Variants in ATR observed in about 807,000 individuals in gnomAD.
The protein encoded by ATR is serine/threonine-protein kinase ATR.
Under a neutral mutation model 305.3 loss-of-function variants are expected in ATR, and 142 were observed. The ratio of observed to expected loss-of-function variants is 0.47; its 90% CI spans 0.41 to 0.53. The LOEUF is 0.53. ATR is among the 20% of genes least tolerant of loss of function. The probability of loss-of-function intolerance (pLI) is 0.00; values close to 1 mark genes in which losing one functional copy is unlikely to be tolerated. For missense variants in ATR, 2,135 were observed against 3,133.1 expected, an observed-to-expected ratio of 0.68 and a Z score of 7.60; for synonymous variants, 1,050 against 1,068.1, an observed-to-expected ratio of 0.98 and a Z score of 0.33.
At chr3:142,527,112 T>A (rs561307424) in intron 21 of ATR, among the ~76,000 whole-genome samples, 7 of 152,328 alleles carry the variant, frequency 4.6e-5, no homozygotes, top group Non-Finnish European at 1.0e-4. Flanking sequence ...TAATGTGAAA[T>A]TGATTTGTTT....
intron 46 of ATR, chr3:142,452,088 T>C (rs1005769089): frequency 2.6e-5 from 27 of 1,021,302 alleles, no homozygotes; most frequent in South Asian, 3.9e-5. Flanking sequence ...ATTTTTCTTT[T>C]AGTTCTTTTA....
chr3:142,512,319 G>A lies in ATR; in HGVS notation c.4793C>T (p.Ala1598Val), dbSNP rs1191143220. Residue 1598 changes from alanine to valine, a missense_variant, in exon 27 of 47, where the codon GCA becomes GTA. Transcript: ENST00000350721. ...LTQWARHKFQ[A>V]LKAEKCPHSK... ...GTGTGGACATTTCTCAGCTTTCAGTGCCTGAAATTTGTGCCTTGCCCACTG... is the reference window on the plus strand; with the variant it reads ...GTGTGGACATTTCTCAGCTTTCAGTACCTGAAATTTGTGCCTTGCCCACTG... 2.5e-6 allele frequency: 4 copies of A among 1,613,274 alleles called. No homozygotes were observed. Among genetic ancestry groups the A allele is most frequent in the Non-Finnish European group, 3.4e-6 (4 of 1,179,880 alleles).
intron 21 of ATR, among the ~76,000 whole-genome samples, chr3:142,534,646 G>A (rs2033787636): frequency 6.6e-6 from 1 of 151,994 alleles, no homozygotes; most frequent in African/African-American, 2.4e-5. Context: ...AAAGAATAAA[G>A]TTCACTCACC....
chr3:142,526,643 G>A (rs1178210358), intron 21 of ATR, among the ~76,000 whole-genome samples: 1 of 151,960 alleles, frequency 6.6e-6, no homozygotes, highest in Non-Finnish European at 1.5e-5. Flanking sequence ...ATGTGTCAAA[G>A]TCTATTCGGC....
chr3:142,499,035 C>A, intron 31 of ATR: 1 of 504,460 alleles, frequency 2.0e-6, no homozygotes. Flanking sequence ...AGCCACCATG[C>A]CCAGCTAAGT....
chr3:142,520,257 C>T (rs1039613040), intron 23 of ATR, among the ~76,000 whole-genome samples: 6 of 152,018 alleles, frequency 3.9e-5, no homozygotes, highest in African/African-American at 1.4e-4. Context: ...CTTCATATTT[C>T]CAAAGACATA....
intron 46 of ATR, chr3:142,452,676 AAAC>A (rs2070817049): frequency 3.3e-5 from 34 of 1,031,316 alleles, no homozygotes; most frequent in South Asian, 9.3e-5. Context: ...TCTGTCTCAA[AAAC>A]AACAACCACC....
chr3:142,457,665 A>G lies in ATR; in HGVS notation c.7594T>C (p.Phe2532Leu). 6.2e-7 allele frequency: 1 copy of G among 1,614,078 alleles called. No homozygotes were observed. Among genetic ancestry groups the G allele is most frequent in the Non-Finnish European group, 8.5e-7 (1 of 1,179,972 alleles). Residue 2532 changes from phenylalanine (F) to leucine (L), a missense_variant, in exon 45 of 47, where the codon TTT (phenylalanine) becomes CTT (leucine). Coordinates refer to ENST00000350721, the MANE Select transcript of ATR (RefSeq NM_001184.4). ...ATTGTAACTTCACATGCTCTTCGAA[A>G]AAGACCCTCTGTTCCCATAGGACCC... ...GMGPMGTEGL[F>L]RRACEVTMRL...
chr3:142,519,467 A>T (rs2033049249), intron 24 of ATR, among the ~76,000 whole-genome samples: 1 of 152,006 alleles, frequency 6.6e-6, no homozygotes, highest in African/African-American at 2.4e-5. Context: ...ACGCCCGGCT[A>T]ATTTTTGTAT....
intron 36 of ATR, among the ~76,000 whole-genome samples, chr3:142,480,232 T>C (rs2030322723): frequency 6.6e-6 from 1 of 152,222 alleles, no homozygotes; most frequent in Non-Finnish European, 1.5e-5. Context: ...CTACCTTTGG[T>C]CTTTGATGAT....
intron 36 of ATR, 39 bp from the exon 37 acceptor site, chr3:142,470,222 G>C (rs1405590447): frequency 2.1e-6 from 3 of 1,454,824 alleles, no homozygotes; most frequent in African/African-American, 1.4e-5. Context: ...TAGCATAGCT[G>C]TCATTTTTAT....
At chr3:142,524,367 T>C (rs541982919) in intron 21 of ATR, among the ~76,000 whole-genome samples, 168 bp from the exon 22 acceptor site, 110 of 152,328 alleles carry the variant, frequency 7.2e-4, no homozygotes, top group African/African-American at 2.2e-3. Context: ...TCACATAATA[T>C]AGTTCAACAA....
chr3:142,483,988 G>C (rs979298329), intron 36 of ATR, among the ~76,000 whole-genome samples: 1 of 152,036 alleles, frequency 6.6e-6, no homozygotes, highest in African/African-American at 2.4e-5. Flanking sequence ...TGGTGCTGTT[G>C]AATTTTTTTA....
intron 16 of ATR, 79 bp from the exon 17 acceptor site, chr3:142,542,836 T>C: frequency 3.4e-6 from 4 of 1,176,660 alleles, no homozygotes; most frequent in Middle Eastern, 5.1e-4. Context: ...ATTTAATTAA[T>C]GTCATTTATA....
At chr3:142,521,300 T>C (rs2033138470) in intron 23 of ATR, among the ~76,000 whole-genome samples, 1 of 152,166 alleles carries the variant, frequency 6.6e-6, no homozygotes, top group Non-Finnish European at 1.5e-5. Flanking sequence ...ATATTACTGC[T>C]CATTGACAAT....
rs2108470338 is a variant in ATR at position 142,555,900 on chromosome 3, T to A, written c.2318A>T (p.Lys773Ile). The change falls in exon 10 of 47, where the codon AAA becomes ATA. Residue 773 changes from lysine (K) to isoleucine (I), a missense_variant. This residue lies in a region of ATR where 530 missense variants were observed against 766.8 expected (regional missense o/e 0.69). Coordinates refer to ENST00000350721, the MANE Select transcript of ATR (RefSeq NM_001184.4). ...ACCAAGTTTTACTGGACTAGGTATT[T>A]TTTTTTTCAGTAGGAAAAGGAATGG... ...CKPFLFLLKK[K>I]IPSPVKLAFI... is the part of the protein sequence containing the mutation. 6.2e-7 allele frequency: 1 copy of A among 1,610,642 alleles called. No individual in the cohort carries two copies. Among genetic ancestry groups the A allele is most frequent in the Admixed American group, 1.7e-5 (1 of 59,250 alleles).
chr3:142,519,745 T>C lies in ATR; in HGVS notation c.4306A>G (p.Asn1436Asp), dbSNP rs587783328. The change falls in exon 24 of 47, where the codon AAC (asparagine) becomes GAC (aspartate). Residue 1436 changes from asparagine (N) to aspartate (D), a missense_variant. Physicochemically the swap from Asn to Asp is conservative, Grantham distance 23. Around this residue, in one of 9 missense-constraint regions of ATR, gnomAD observed 202 missense variants for 252.9 expected, o/e 0.80. Coordinates refer to ENST00000350721, the MANE Select transcript of ATR (RefSeq NM_001184.4). ...CTCCACAATTGGTGACCTGGGCCGT[T>C]GGTCTCCATCTCTCTACAGTCATAA... The part of the protein sequence containing the change: ...SIYDCREMET[N>D]GPGHQLWRRF... 1 of 1,614,144 alleles carries C rather than the reference T, an allele frequency of 6.2e-7. No homozygotes were observed.
intron 26 of ATR, among the ~76,000 whole-genome samples, chr3:142,513,059 C>T (rs1445975672): frequency 6.6e-6 from 1 of 151,694 alleles, no homozygotes; most frequent in Non-Finnish European, 1.5e-5. Context: ...ATATTTCACA[C>T]TATATGCAAA....
intron 25 of ATR, 114 bp from the exon 26 acceptor site, chr3:142,513,752 G>A: frequency 1.8e-6 from 2 of 1,142,410 alleles, no homozygotes; most frequent in Non-Finnish European, 2.4e-6. Flanking sequence ...AATTTAAAAA[G>A]TTTTTTAATT....
Sources: allele counts gnomAD v4.1 joint callset (sites outside exome capture counted in the v4.1 genomes callset), GRCh38; gene constraint gnomAD v4.1.1; regional missense constraint gnomAD v4.1.1; transcripts MANE v1.5; gene names NCBI Gene and HGNC (gene_info 2026-07-23, HGNC 2026-07-21).